HOMER2: variants seen among roughly 807,000 people sequenced by gnomAD.
The protein encoded by HOMER2 is homer protein homolog 2.
A neutral mutation model predicts 47.0 loss-of-function variants in HOMER2; 27 were observed. That is an observed-to-expected ratio of 0.57 (90% confidence interval 0.42 to 0.79). The LOEUF (loss-of-function observed/expected upper bound fraction) is 0.79. Among genes scored for constraint, HOMER2 ranks in the 30% least tolerant of loss-of-function variants. HOMER2 has a pLI of 0.00. For missense variants in HOMER2, 443 were observed against 435.0 expected (o/e 1.02, Z -0.16); for synonymous variants, 161 against 163.8 (o/e 0.98, Z 0.13).
At chr15:82,864,334 A>G in intron 3 of HOMER2, 75 bp from the exon 4 acceptor site, 1 of 957,880 alleles carries the variant, frequency 1.0e-6, no homozygotes, top group Non-Finnish European at 1.6e-6. Context: ...ACCTTTATTT[A>G]TTTTGCATCC....
At chr15:82,844,656 T>G (rs1356668210), downstream of HOMER2, 1 of 152,140 alleles carries the variant, frequency 6.6e-6, no homozygotes, top group African/African-American at 2.4e-5. Context: ...TGGAATTTCT[T>G]TAAAAAAAGT....
rs1244361918 is a variant in HOMER2, at chr15:82,868,523, T to TTATATATATATATATA, written c.295-4280_295-4265dup. 1.1e-3 allele frequency among the ~76,000 whole-genome samples: 39 copies of TTATATATATATATATA among 36,628 alleles called. 2 individuals are homozygous for TTATATATATATATATA. Among genetic ancestry groups the TTATATATATATATATA allele is most frequent in the South Asian group, 3.6e-3 (2 of 556 alleles). 24.0% of individuals were successfully genotyped at this position (36,628 alleles called of 152,430 possible). A position where few individuals can be genotyped will look rare whatever the true frequency, so the allele number is the denominator to read the frequency against. On this transcript the variant is annotated intron_variant, in intron 3 of 8. Coordinates refer to ENST00000450735, the MANE Select transcript of HOMER2 (RefSeq NM_004839.4). ...AAGTTATATATATCACTTATTTATT[T>TTATATATATATATATA]TATATATATATATATATATTTTTTT...
At chr15:82,941,407 C>T (rs182228114) in intron 1 of HOMER2, among the ~76,000 whole-genome samples, 1 of 138,160 alleles carries the variant, frequency 7.2e-6, no homozygotes, top group African/African-American at 2.7e-5. Context: ...CACACCACTG[C>T]ACTCTAGCCT....
upstream of HOMER2, chr15:82,952,826 G>C (rs2054539694): frequency 3.6e-6 from 2 of 552,656 alleles, no homozygotes; most frequent in Non-Finnish European, 4.6e-6. Flanking sequence ...CCCGGGCCGC[G>C]GCAGCGAGCC....
rs537103943 is a variant in HOMER2 at position 82,983,946 on chromosome 15, A to ATAG, written n.82+1838_82+1840dup. On this transcript the variant is annotated intron_variant and non_coding_transcript_variant, in intron 1 of 1. Coordinates refer to the HOMER2 transcript ENST00000500334. Reference sequence around the variant, plus strand: ...CTCGTAATCCACTCAGTAACTAAGTATAGTACTATTTACTATTTAGCGCAC... The same window carrying ATAG: ...CTCGTAATCCACTCAGTAACTAAGTATAGTAGTACTATTTACTATTTAGCGCAC... 1.8e-3 allele frequency among the ~76,000 whole-genome samples: 271 copies of ATAG among 152,030 alleles called. 1 individual carries two copies. Among genetic ancestry groups the ATAG allele is most frequent in the Non-Finnish European group, 2.2e-3 (149 of 67,978 alleles).
At chr15:82,857,284 A>G (rs1431454682) in intron 5 of HOMER2, among the ~76,000 whole-genome samples, 2 of 152,134 alleles carry the variant, frequency 1.3e-5, no homozygotes, top group African/African-American at 4.8e-5. Flanking sequence ...CTCACCAGAC[A>G]CCAAATCTGC....
At chr15:82,878,927 T>C (rs761611709) in intron 2 of HOMER2, among the ~76,000 whole-genome samples, 1 of 152,206 alleles carries the variant, frequency 6.6e-6, no homozygotes, top group Non-Finnish European at 1.5e-5. Flanking sequence ...ATGCTGGCCA[T>C]GCACAATATT....
chr15:82,917,297 C>T (rs1311436681), intron 1 of HOMER2, among the ~76,000 whole-genome samples: 2 of 152,310 alleles, frequency 1.3e-5, no homozygotes, highest in East Asian at 3.9e-4. Context: ...AACCGCCAAA[C>T]GGTTTTCTAA....
At chr15:82,842,210 A>G (rs1333690981) in exon 2 of HOMER2, 2 of 152,184 alleles carry the variant, frequency 1.3e-5, no homozygotes, top group African/African-American at 4.8e-5. Context: ...TATTATAAAG[A>G]TGTTAGTCCT....
chr15:82,873,844 T>A (rs2052255998), intron 3 of HOMER2, among the ~76,000 whole-genome samples: 1 of 152,130 alleles, frequency 6.6e-6, no homozygotes, highest in Non-Finnish European at 1.5e-5. Flanking sequence ...TGTGACTGGG[T>A]ATGGGATGGC....
intron 1 of HOMER2, among the ~76,000 whole-genome samples, chr15:82,906,174 AAAG>A (rs148686273): frequency 0.037 from 5,645 of 152,224 alleles, 338 homozygotes; most frequent in African/African-American, 0.13. Context: ...AAGCGTAAAA[AAAG>A]AAGTATAATT....
intron 6 of HOMER2, among the ~76,000 whole-genome samples, chr15:82,854,264 G>A (rs1300332488): frequency 6.6e-6 from 1 of 152,070 alleles, no homozygotes; most frequent in African/African-American, 2.4e-5. Flanking sequence ...AATTAGCCAG[G>A]CATGGTGGCA....
exon 2 of HOMER2, chr15:82,839,443 T>C (rs1313600517): frequency 6.6e-6 from 1 of 152,212 alleles, no homozygotes; most frequent in African/African-American, 2.4e-5. Flanking sequence ...CTTAGGGAGA[T>C]CAAGAACTTC....
chr15:82,854,607 A>T, intron 6 of HOMER2, 37 bp downstream of exon 6: 1 of 1,588,596 alleles, frequency 6.3e-7, no homozygotes, highest in Non-Finnish European at 8.6e-7. Flanking sequence ...TGCCCACACC[A>T]GCTGGCCTCG....
intron 1 of HOMER2, among the ~76,000 whole-genome samples, chr15:82,976,882 C>T (rs1458839720): frequency 6.7e-6 from 1 of 148,836 alleles, no homozygotes; most frequent in South Asian, 2.2e-4. Context: ...CACCATGTTG[C>T]CCAGGCTGGT....
Position 82,952,437 on chromosome 15 carries a change from C to A in HOMER2, c.5+94G>T, listed in dbSNP as rs183654620. 8.8e-3 allele frequency: 8,187 copies of A among 927,386 alleles called. 376 individuals are homozygous for A. The African/African-American group carries it at 0.12, about 13-fold the overall frequency. 57.4% of individuals were successfully genotyped at this position (927,386 alleles called of 1,614,324 possible). On this transcript the variant is annotated intron_variant, in intron 1 of 8. Transcript: ENST00000450735. The stretch of plus-strand genomic sequence containing the variant: ...TCCGGCTTGGGGAGGCGGGGGCCGG[C>A]CCGCCGGGAGGCTCCGAGCCCGGTT...
intron 1 of HOMER2, among the ~76,000 whole-genome samples, chr15:82,903,035 G>A (rs2053173001): frequency 6.6e-6 from 1 of 152,130 alleles, no homozygotes; most frequent in Admixed American, 6.6e-5. Context: ...TTGTTCCATA[G>A]TAAAATAAAT....
At chr15:82,980,151 T>C (rs980093760) in intron 1 of HOMER2, among the ~76,000 whole-genome samples, 1 of 152,138 alleles carries the variant, frequency 6.6e-6, no homozygotes, top group African/African-American at 2.4e-5. Context: ...TACATCATGT[T>C]TTTTTGTTAT....
At chr15:82,870,665 C>T (rs944869640) in intron 3 of HOMER2, among the ~76,000 whole-genome samples, 1 of 152,138 alleles carries the variant, frequency 6.6e-6, no homozygotes, top group African/African-American at 2.4e-5. Context: ...TAATATCCTC[C>T]ATTTTAAACA....
Sources: gnomAD v4.1 joint callset for allele counts (sites outside exome capture counted in the v4.1 genomes callset) on GRCh38, gnomAD v4.1.1 for gene constraint, MANE v1.5 for transcripts, NCBI Gene and HGNC (gene_info 2026-07-23, HGNC 2026-07-21) for gene names.